The following ACTN4 variants were observed in gnomAD, a reference collection of about 807,000 sequenced individuals.
ACTN4 encodes the protein actinin alpha 4, also known as alpha-actinin-4.
In ACTN4, 18 loss-of-function variants were observed where a neutral mutation model predicts 114.2. The observed-to-expected ratio is 0.16, with a 90% CI of 0.11 to 0.23. ACTN4 has a LOEUF of 0.23. Ranked by LOEUF, ACTN4 falls within the 10% of genes least tolerant of loss-of-function variation. The pLI is 1.00. For synonymous variants in ACTN4, 515 were observed against 506.3 expected, an observed-to-expected ratio of 1.02 and a Z score of -0.23; for missense variants, 722 against 1,262.9, an observed-to-expected ratio of 0.57 and a Z score of 6.49.
rs1415734432 is a variant in ACTN4 at position 38,647,687 on chromosome 19, A to C, written c.-59A>C. On this transcript the variant is annotated 5_prime_UTR_variant, in exon 1 of 21. Coordinates refer to ENST00000252699, the MANE Select transcript of ACTN4 (RefSeq NM_004924.6). ...CGGCGGTAGCGGCGGCGGCTCGGGC[A>C]GAGGGGCGGGAGCTGAGGCGGGAGC... 1.3e-6 allele frequency: 2 copies of C among 1,501,204 alleles called. No homozygotes were observed. The highest frequency in any genetic ancestry group is 2.5e-5 in the South Asian group (2 of 79,370). 93.0% of individuals were successfully genotyped at this position (1,501,204 alleles called of 1,614,324 possible).
At chr19:38,652,744 T>C (rs1294729108) in intron 1 of ACTN4, among the ~76,000 whole-genome samples, 1 of 152,156 alleles carries the variant, frequency 6.6e-6, no homozygotes, top group Non-Finnish European at 1.5e-5. Flanking sequence ...AATATCCAAG[T>C]AGTGCTGGTG....
chr19:38,704,795 A>C, intron 3 of ACTN4, 139 bp from the exon 4 acceptor site: 3 of 731,076 alleles, frequency 4.1e-6, no homozygotes, highest in Non-Finnish European at 7.4e-6. Context: ...GTGGAGGAGG[A>C]CAGGCCTGGG....
At chr19:38,708,246 C>T in intron 6 of ACTN4, 51 bp downstream of exon 6, 1 of 1,588,126 alleles carries the variant, frequency 6.3e-7, no homozygotes, top group Non-Finnish European at 8.6e-7. Flanking sequence ...CCTGTCTGAC[C>T]CCCTAACTCC....
rs558800611 is a variant in ACTN4, at chr19:38,731,062, C to A, written c.*1630C>A. On this transcript the variant is annotated 3_prime_UTR_variant, in exon 21 of 21. Transcript: ENST00000252699. ...GGCAGGGTGAGTGCCCACCAGTCCC[C>A]GTACCCCTTCCCCCCATGCCCCACC... The A allele has an allele frequency of 3.2e-6, 5 of 1,564,518 alleles. No individual in the cohort carries two copies. The highest frequency in any genetic ancestry group is 4.8e-5 in the East Asian group (2 of 41,896).
In ACTN4 at chr19:38,729,094, C is replaced by G. The variant is rs1313231271; in HGVS notation, c.2517C>G (p.Thr839=). The G allele has an allele frequency of 6.2e-7, 1 of 1,613,372 alleles. No individual in the cohort carries two copies. Among genetic ancestry groups the G allele is most frequent in the Non-Finnish European group, 8.5e-7 (1 of 1,180,030 alleles). ...TCATCGACTTCATGTCGCGGGAGAC[C>G]ACCGACACGGACACGGCTGACCAGG... ...QAFIDFMSRE[T]TDTDTADQVI... Residue 839 remains threonine, a synonymous_variant, in exon 20 of 21, where the codon ACC becomes ACG. Transcript: ENST00000252699.
intron 7 of ACTN4, 61 bp from the exon 8 acceptor site, chr19:38,710,196 T>C: frequency 6.3e-7 from 1 of 1,576,424 alleles, no homozygotes; most frequent in South Asian, 1.1e-5. Context: ...TGGATCCCAG[T>C]GAGTGACGCC....
At chr19:38,659,664 C>G (rs1037892542) in intron 1 of ACTN4, among the ~76,000 whole-genome samples, 2 of 152,306 alleles carry the variant, frequency 1.3e-5, no homozygotes, top group Middle Eastern at 3.4e-3. Context: ...CAAATACGGC[C>G]TGCTCTGGGG....
intron 1 of ACTN4, among the ~76,000 whole-genome samples, chr19:38,668,286 GTTAATATTC>G (rs1053527731): frequency 6.6e-6 from 1 of 152,158 alleles, no homozygotes; most frequent in Non-Finnish European, 1.5e-5. Flanking sequence ...CCTGTGATTT[GTTAATATTC>G]TTTCTCTTCA....
chr19:38,663,102 G>A (rs1360210833), intron 1 of ACTN4, among the ~76,000 whole-genome samples: 1 of 152,074 alleles, frequency 6.6e-6, no homozygotes, highest in Admixed American at 6.6e-5. Context: ...GTAGAGACGG[G>A]GTTTCATCAT....
In ACTN4 at chr19:38,700,673, G is replaced by A. The variant is rs759055242; in HGVS notation, c.236G>A (p.Arg79Gln). 10 of 1,614,178 alleles carry A rather than the reference G, an allele frequency of 6.2e-6. No individual in the cohort carries two copies. Among genetic ancestry groups the A allele is most frequent in the South Asian group, 3.3e-5 (3 of 91,082 alleles). ...TQIENIDEDF[R>Q]DGLKLMLLLE... ...ATCGAGAACATTGATGAGGACTTCC[G>A]AGACGGGCTCAAGCTCATGCTGCTC... Residue 79 changes from arginine to glutamine, a missense_variant, in exon 2 of 21, where the codon CGA becomes CAA. Physicochemically the swap from Arg to Gln is conservative, Grantham distance 43. This residue lies in a region of ACTN4 where 127 missense variants were observed against 311.3 expected (regional missense o/e 0.41). Coordinates refer to ENST00000252699, the MANE Select transcript of ACTN4 (RefSeq NM_004924.6).
At position 38,673,508 on chromosome 19, in the gene ACTN4, A is replaced by T. The variant is rs8182551; in HGVS notation, c.162+25601A>T. 6.8e-4 allele frequency among the ~76,000 whole-genome samples: 44 copies of T among 65,156 alleles called. 2 individuals are homozygous for T. Among genetic ancestry groups the T allele is most frequent in the East Asian group, 4.3e-3 (9 of 2,108 alleles). The allele number at this position is 65,156 out of a possible 152,430, so 42.7% of individuals were successfully genotyped here. A position where few individuals can be genotyped will look rare whatever the true frequency, so the allele number is the denominator to read the frequency against. ...ATATTCATATATATTTATATATATG[A>T]ATATATATTTATATATATTCATATA... On this transcript the variant is annotated intron_variant, in intron 1 of 20. Transcript: ENST00000252699.
At chr19:38,663,602 G>A (rs2144856865) in intron 1 of ACTN4, among the ~76,000 whole-genome samples, 1 of 152,350 alleles carries the variant, frequency 6.6e-6, no homozygotes, top group South Asian at 2.1e-4. Flanking sequence ...CCCCGCTGCG[G>A]GCAGGTTGCC....
chr19:38,664,714 G>A (rs553665753), intron 1 of ACTN4, among the ~76,000 whole-genome samples: 6 of 152,138 alleles, frequency 3.9e-5, no homozygotes, highest in Non-Finnish European at 8.8e-5. Flanking sequence ...TAGCACAGCC[G>A]GTTCCTATTT....
chr19:38,701,136 G>T lies in ACTN4; in HGVS notation c.397+15G>T, dbSNP rs1156779009. 1 of 1,613,636 alleles carries T rather than the reference G, an allele frequency of 6.2e-7. No individual in the cohort carries two copies. The highest frequency in any genetic ancestry group is 8.5e-7 in the Non-Finnish European group (1 of 1,180,004). ...CGGGGCAGAAGGTGAGCTGGAGGTG[G>T]GGCAGCGAGGGTCCTGCTCGGTTTC... On this transcript the variant is annotated intron_variant, in intron 3 of 20. Transcript: ENST00000252699.
rs1307240541 is a variant in ACTN4 at position 38,730,231 on chromosome 19, TATAA to T, written c.*803_*806del. ...ACTTTATTAACTTACGGATTTATTA[TATAA>T]ATATATATTCACCTAGCAACATATC... On this transcript the variant is annotated 3_prime_UTR_variant, in exon 21 of 21. Coordinates refer to ENST00000252699, the MANE Select transcript of ACTN4 (RefSeq NM_004924.6). 1.3e-5 allele frequency: 2 copies of T among 157,444 alleles called. No individual in the cohort carries two copies. Among genetic ancestry groups the T allele is most frequent in the Non-Finnish European group, 2.8e-5 (2 of 71,068 alleles). The allele number at this position is 157,444 out of a possible 1,614,324, so 9.8% of individuals were successfully genotyped here.
At chr19:38,660,963 G>A (rs2047642939) in intron 1 of ACTN4, among the ~76,000 whole-genome samples, 1 of 152,150 alleles carries the variant, frequency 6.6e-6, no homozygotes, top group Non-Finnish European at 1.5e-5. Context: ...CATTTCAGCT[G>A]TTCCTTAACG....
intron 1 of ACTN4, among the ~76,000 whole-genome samples, chr19:38,694,017 C>T (rs992550976): frequency 2.0e-5 from 3 of 152,230 alleles, no homozygotes; most frequent in Non-Finnish European, 2.9e-5. Context: ...GGGGCAAGCT[C>T]TGAAGCCTCC....
chr19:38,673,755 T>A lies in ACTN4; in HGVS notation c.162+25848T>A, dbSNP rs1196196986. On this transcript the variant is annotated intron_variant, in intron 1 of 20. Transcript: ENST00000252699. ...TATATATTTATATATTTATATATAT[T>A]TTTATATATATATATTTATATATGT... 1.0e-3 allele frequency among the ~76,000 whole-genome samples: 54 copies of A among 52,488 alleles called. 3 individuals carry two copies. The highest frequency in any genetic ancestry group is 2.3e-3 in the African/African-American group (51 of 22,110). 34.4% of individuals were successfully genotyped at this position (52,488 alleles called of 152,430 possible).
chr19:38,701,318 T>C (rs1968268336), intron 3 of ACTN4, among the ~76,000 whole-genome samples, 197 bp downstream of exon 3: 1 of 152,098 alleles, frequency 6.6e-6, no homozygotes. Context: ...CCCAAACCCT[T>C]GGAAAAATCC....
Sources: gnomAD v4.1 joint callset for allele counts (sites outside exome capture counted in the v4.1 genomes callset) on GRCh38, gnomAD v4.1.1 for gene constraint, gnomAD v4.1.1 regional missense constraint, MANE v1.5 for transcripts, NCBI Gene and HGNC (gene_info 2026-07-23, HGNC 2026-07-21) for gene names.